The following EIF4ENIF1 variants were observed in gnomAD, a reference collection of about 807,000 sequenced individuals.
EIF4ENIF1 encodes the protein eukaryotic translation initiation factor 4E transporter.
Under a neutral mutation model 110.5 loss-of-function variants are expected in EIF4ENIF1, and 23 were observed. The observed-to-expected ratio is 0.21, with a 90% CI of 0.15 to 0.29. The LOEUF (loss-of-function observed/expected upper bound fraction) is 0.29, where lower values mean the gene tolerates loss of function less well. Ranked by LOEUF, EIF4ENIF1 falls within the 10% of genes least tolerant of loss-of-function variation. EIF4ENIF1 has a pLI of 1.00. For missense variants in EIF4ENIF1, 1,031 were observed against 1,221.1 expected, an observed-to-expected ratio of 0.84 and a Z score of 2.32; for synonymous variants, 440 against 437.0, an observed-to-expected ratio of 1.01 and a Z score of -0.09.
In EIF4ENIF1 at chr22:31,454,293, T is replaced by A. The variant is rs772206984; in HGVS notation, c.1363A>T (p.Thr455Ser). The A allele has an allele frequency of 6.2e-7, 1 of 1,613,896 alleles. No homozygotes were observed. The highest frequency in any genetic ancestry group is 8.5e-7 in the Non-Finnish European group (1 of 1,180,008). Reference protein sequence around the residue: ...LKVDQQVKNSTPFMAEHLEET... With the variant: ...LKVDQQVKNSSPFMAEHLEET... ...TCTAGGTGTTCTGCCATGAAGGGAG[T>A]TGAATTCTTCACTTGCTGGTCAACC... The change falls in exon 10 of 19, where the codon ACT (threonine) becomes TCT (serine). Residue 455 changes from threonine to serine, a missense_variant. Physicochemically the swap from Thr to Ser is moderately conservative, Grantham distance 58. This residue lies in a region of EIF4ENIF1 where 704 missense variants were observed against 879.7 expected (regional missense o/e 0.80). Coordinates refer to ENST00000330125, the MANE Select transcript of EIF4ENIF1 (RefSeq NM_019843.4).
At chr22:31,483,209 CTTTTTTT>C (rs60986284) in intron 2 of EIF4ENIF1, among the ~76,000 whole-genome samples, 6 of 89,452 alleles carry the variant, frequency 6.7e-5, no homozygotes, top group Admixed American at 1.2e-4. Flanking sequence ...AGGAGACGAT[CTTTTTTT>C]TTTTTTTTTT....
intron 10 of EIF4ENIF1, chr22:31,450,623 T>C: frequency 3.0e-6 from 1 of 338,744 alleles, no homozygotes; most frequent in Non-Finnish European, 5.6e-6. Context: ...TCCCTGTTTC[T>C]AACACTGTGA....
upstream of EIF4ENIF1, among the ~76,000 whole-genome samples, chr22:31,490,533 G>T (rs1368315439): frequency 6.6e-6 from 1 of 152,184 alleles, no homozygotes; most frequent in African/African-American, 2.4e-5. Context: ...CGATAAAGGC[G>T]ACTAACAAAT....
intron 17 of EIF4ENIF1, among the ~76,000 whole-genome samples, chr22:31,441,075 T>C (rs938057682): frequency 1.3e-5 from 2 of 151,740 alleles, no homozygotes; most frequent in Non-Finnish European, 1.5e-5. Flanking sequence ...GCCAACATGG[T>C]GAAACCCTGT....
In EIF4ENIF1 at chr22:31,450,854, C is replaced by T. The variant is rs1340770804; in HGVS notation, c.1513-494G>A. ...CACATATATATATACTACACACACA[C>T]ACACACACACACACACACACACACA... is the stretch of plus-strand genomic sequence containing the variant. On this transcript the variant is annotated intron_variant, in intron 10 of 18. Transcript: ENST00000330125. 1,023 of 132,864 alleles carry T rather than the reference C, an allele frequency of 7.7e-3. 4 individuals are homozygous for T. Among genetic ancestry groups the T allele is most frequent in the Non-Finnish European group, 0.012 (741 of 64,116 alleles). 8.2% of individuals were successfully genotyped at this position (132,864 alleles called of 1,614,324 possible).
At chr22:31,473,483 A>G (rs2051460686) in intron 2 of EIF4ENIF1, among the ~76,000 whole-genome samples, 1 of 152,168 alleles carries the variant, frequency 6.6e-6, no homozygotes, top group Non-Finnish European at 1.5e-5. Context: ...CTAGAATCAG[A>G]TATTTGATTG....
chr22:31,476,687 G>A (rs1428605258), intron 2 of EIF4ENIF1, among the ~76,000 whole-genome samples: 1 of 152,042 alleles, frequency 6.6e-6, no homozygotes, highest in Non-Finnish European at 1.5e-5. Flanking sequence ...TTAAGATCAG[G>A]AGTTCAAGAC....
intron 7 of EIF4ENIF1, among the ~76,000 whole-genome samples, chr22:31,456,369 GC>G (rs1450225397): frequency 2.7e-5 from 4 of 150,916 alleles, no homozygotes; most frequent in Non-Finnish European, 4.4e-5. Flanking sequence ...GACTACAGGC[GC>G]CTGCCACCAC....
At chr22:31,438,820 T>G (rs1347703207), downstream of EIF4ENIF1, among the ~76,000 whole-genome samples, 1 of 152,110 alleles carries the variant, frequency 6.6e-6, no homozygotes, top group East Asian at 1.9e-4. Flanking sequence ...CCTCCCAGGT[T>G]CAGGCGATTC....
At chr22:31,455,373 TC>T in intron 8 of EIF4ENIF1, 58 bp from the exon 9 acceptor site, 1 of 1,291,344 alleles carries the variant, frequency 7.7e-7, no homozygotes, top group South Asian at 2.1e-5. Flanking sequence ...AAACATGCCT[TC>T]GACAGTATTT....
At chr22:31,470,926 C>T (rs369708647) in intron 3 of EIF4ENIF1, among the ~76,000 whole-genome samples, 2 of 150,654 alleles carry the variant, frequency 1.3e-5, no homozygotes, top group South Asian at 2.1e-4. Context: ...GCAGGAGAAT[C>T]GCTTGAACCT....
At chr22:31,446,511 CA>C (rs1464836532) in intron 14 of EIF4ENIF1, among the ~76,000 whole-genome samples, 2 of 151,886 alleles carry the variant, frequency 1.3e-5, no homozygotes, top group African/African-American at 4.8e-5. Context: ...CCAGCTGAAG[CA>C]AAACACTGAG....
At chr22:31,483,530 G>A (rs897469117) in intron 2 of EIF4ENIF1, among the ~76,000 whole-genome samples, 23 of 152,056 alleles carry the variant, frequency 1.5e-4, no homozygotes, top group Admixed American at 1.5e-3. Flanking sequence ...TAAGCCAATG[G>A]TTCTCAAACT....
At chr22:31,463,166 T>G in intron 5 of EIF4ENIF1, 33 bp from the exon 6 acceptor site, 2 of 1,602,508 alleles carry the variant, frequency 1.2e-6, no homozygotes. Context: ...ATTAAAAAAT[T>G]TCTAGTCAAG....
chr22:31,488,830 T>C, intron 1 of EIF4ENIF1, 85 bp from the exon 2 acceptor site: 1 of 1,450,926 alleles, frequency 6.9e-7, no homozygotes, highest in African/African-American at 1.4e-5. Flanking sequence ...CTGAAACTTT[T>C]TAATCTCTCA....
At chr22:31,463,352 G>A (rs1434944733) in intron 5 of EIF4ENIF1, among the ~76,000 whole-genome samples, 1 of 151,650 alleles carries the variant, frequency 6.6e-6, no homozygotes, top group Non-Finnish European at 1.5e-5. Context: ...TGAATATCAA[G>A]TCCCCAAGCA....
At chr22:31,487,657 G>T (rs745983478) in intron 2 of EIF4ENIF1, among the ~76,000 whole-genome samples, 31 of 152,068 alleles carry the variant, frequency 2.0e-4, no homozygotes, top group African/African-American at 6.7e-4. Context: ...GAGCGTACTG[G>T]TGCACGCCTG....
At position 31,441,788 on chromosome 22, in the gene EIF4ENIF1, C is replaced by T. The variant is rs1384055904; in HGVS notation, c.2537G>A (p.Ser846Asn). The T allele has an allele frequency of 7.4e-6, 12 of 1,610,762 alleles. No homozygotes were observed. The highest frequency in any genetic ancestry group is 1.0e-5 in the Non-Finnish European group (12 of 1,177,730). Residue 846 changes from serine to asparagine, a missense_variant, in exon 17 of 19, where the codon AGT (serine) becomes AAT (asparagine). By Grantham distance (46) the Ser-to-Asn change is conservative. Coordinates refer to ENST00000330125, the MANE Select transcript of EIF4ENIF1 (RefSeq NM_019843.4). ...AQGVHPQHLP[S>N]LLQTGVLPPG... ...TGGAAACTCACCAGTTTGGAGCAAA[C>T]TTGGAAGATGCTGTGGATGTACTCC...
chr22:31,474,912 T>A (rs1379066126), intron 2 of EIF4ENIF1, among the ~76,000 whole-genome samples: 1 of 152,174 alleles, frequency 6.6e-6, no homozygotes, highest in African/African-American at 2.4e-5. Flanking sequence ...GGCCTTGTAG[T>A]AGGAGAATGT....
Sources: gnomAD v4.1 joint callset for allele counts (sites outside exome capture counted in the v4.1 genomes callset) on GRCh38, gnomAD v4.1.1 for gene constraint, gnomAD v4.1.1 regional missense constraint, MANE v1.5 for transcripts, NCBI Gene and HGNC (gene_info 2026-07-23, HGNC 2026-07-21) for gene names.